Variants in LOC128125817 observed in about 807,000 individuals in gnomAD.
the LOC128125817 span, among the ~76,000 whole-genome samples, chr1:41,600,701 C>A: frequency 5.3e-5 from 8 of 152,256 alleles, no homozygotes; most frequent in African/African-American, 1.9e-4. Context: ...TATTTTACCA[C>A]AATTTTTAAA....
the LOC128125817 span, among the ~76,000 whole-genome samples, chr1:41,602,807 AG>A: frequency 6.6e-6 from 1 of 151,916 alleles, no homozygotes; most frequent in Non-Finnish European, 1.5e-5. Context: ...GTATAAAGTT[AG>A]GTTGCTTATT....
chr1:41,616,569 C>CTTT, the LOC128125817 span, among the ~76,000 whole-genome samples: 5 of 127,732 alleles, frequency 3.9e-5, no homozygotes, highest in Admixed American at 1.7e-4. Context: ...ATAGCAATTA[C>CTTT]TTTTTTTTTT....
At chr1:41,627,546 G>C in the LOC128125817 span, among the ~76,000 whole-genome samples, 10 of 152,174 alleles carry the variant, frequency 6.6e-5, no homozygotes, top group Non-Finnish European at 1.0e-4. Context: ...CATACTGTGG[G>C]CAGAGACACA....
At chr1:41,601,616 A>AT in the LOC128125817 span, among the ~76,000 whole-genome samples, 1 of 152,186 alleles carries the variant, frequency 6.6e-6, no homozygotes, top group Non-Finnish European at 1.5e-5. Context: ...ACTTTACTAA[A>AT]TTTGTTAATT....
the LOC128125817 span, among the ~76,000 whole-genome samples, chr1:41,620,724 C>T: frequency 6.6e-6 from 1 of 152,136 alleles, no homozygotes; most frequent in African/African-American, 2.4e-5. Flanking sequence ...TTCAGGCTTG[C>T]GACACTAGTG....
chr1:41,594,719 T>G, the LOC128125817 span, among the ~76,000 whole-genome samples: 1 of 152,252 alleles, frequency 6.6e-6, no homozygotes, highest in African/African-American at 2.4e-5. Context: ...CAGAATTTTT[T>G]TTTGTTTCCA....
the LOC128125817 span, among the ~76,000 whole-genome samples, chr1:41,594,999 C>A: frequency 2.0e-5 from 3 of 152,230 alleles, no homozygotes; most frequent in Non-Finnish European, 4.4e-5. Context: ...CACCTCCCCA[C>A]CTCTGAAATG....
chr1:41,627,402 T>C, the LOC128125817 span, among the ~76,000 whole-genome samples: 5 of 152,136 alleles, frequency 3.3e-5, no homozygotes, highest in African/African-American at 9.7e-5. Flanking sequence ...GTCTACACTG[T>C]TAAGTACCAC....
chr1:41,594,955 T>C, the LOC128125817 span, among the ~76,000 whole-genome samples: 1 of 152,210 alleles, frequency 6.6e-6, no homozygotes, highest in Non-Finnish European at 1.5e-5. Flanking sequence ...ACTCCCTAGC[T>C]AGCCAGTTGT....
At chr1:41,615,977 T>C in the LOC128125817 span, among the ~76,000 whole-genome samples, 1 of 152,094 alleles carries the variant, frequency 6.6e-6, no homozygotes, top group Non-Finnish European at 1.5e-5. Context: ...GTGTGTTTTC[T>C]CTCTGCTAAG....
chr1:41,602,774 A>T, the LOC128125817 span, among the ~76,000 whole-genome samples: 1 of 151,646 alleles, frequency 6.6e-6, no homozygotes, highest in Middle Eastern at 3.4e-3. Flanking sequence ...CTTGGCCTTA[A>T]TTTCTTTTTC....
At chr1:41,623,868 G>A in the LOC128125817 span, among the ~76,000 whole-genome samples, 1 of 149,986 alleles carries the variant, frequency 6.7e-6, no homozygotes, top group Non-Finnish European at 1.5e-5. Context: ...ACCTTGACCT[G>A]TTGAATGGCC....
At chr1:41,614,058 C>G in the LOC128125817 span, among the ~76,000 whole-genome samples, 1 of 152,338 alleles carries the variant, frequency 6.6e-6, no homozygotes, top group East Asian at 1.9e-4. Flanking sequence ...TGGAGCTGGC[C>G]GCTCTGAGCC....
the LOC128125817 span, chr1:41,628,633 G>A: frequency 1.0e-3 from 852 of 851,018 alleles, 2 homozygotes; most frequent in Middle Eastern, 2.4e-3. Context: ...GAAAGGCAAC[G>A]ATAACACTAA....
the LOC128125817 span, among the ~76,000 whole-genome samples, chr1:41,624,370 C>T: frequency 7.2e-5 from 11 of 152,190 alleles, no homozygotes; most frequent in East Asian, 1.2e-3. Flanking sequence ...AAAACGAGCA[C>T]GTACACACAT....
the LOC128125817 span, among the ~76,000 whole-genome samples, chr1:41,626,967 T>C: frequency 2.0e-5 from 3 of 152,164 alleles, no homozygotes; most frequent in African/African-American, 7.2e-5. Flanking sequence ...TCAGTTTCCT[T>C]ATGTGCACAA....
the LOC128125817 span, among the ~76,000 whole-genome samples, chr1:41,598,701 C>T: frequency 1.3e-5 from 2 of 152,080 alleles, no homozygotes; most frequent in Admixed American, 1.3e-4. Flanking sequence ...TTACTATAAG[C>T]TACAGTAATC....
chr1:41,613,615 A>G, the LOC128125817 span, among the ~76,000 whole-genome samples: 1 of 152,270 alleles, frequency 6.6e-6, no homozygotes, highest in Non-Finnish European at 1.5e-5. Context: ...GCTAATGAGT[A>G]GAATTGTGTA....
At chr1:41,597,069 T>C in the LOC128125817 span, among the ~76,000 whole-genome samples, 1 of 152,134 alleles carries the variant, frequency 6.6e-6, no homozygotes, top group Non-Finnish European at 1.5e-5. Context: ...GTTCCTACTT[T>C]TCCTTCTCCT....
Sources: allele counts gnomAD v4.1 joint callset (sites outside exome capture counted in the v4.1 genomes callset), GRCh38; gene constraint gnomAD v4.1.1; transcripts MANE v1.5.